ASAP1: variants seen among roughly 807,000 people sequenced by gnomAD.
The protein encoded by ASAP1 is ArfGAP with SH3 domain, ankyrin repeat and PH domain 1, also known as arf-GAP with SH3 domain, ANK repeat and PH domain-containing protein 1.
Under a neutral mutation model 145.2 loss-of-function variants are expected in ASAP1, and 43 were observed. The ratio of observed to expected loss-of-function variants is 0.30; its 90% CI spans 0.23 to 0.38. The LOEUF (loss-of-function observed/expected upper bound fraction) is 0.38. Ranked by LOEUF, ASAP1 falls within the 10% of genes least tolerant of loss-of-function variation. ASAP1 has a pLI of 1.00. For missense variants in ASAP1, 1,018 were observed against 1,355.3 expected (o/e 0.75, Z 3.91); for synonymous variants, 546 against 515.5 (o/e 1.06, Z -0.80).
At chr8:130,241,894 T>C (rs1400085606) in intron 3 of ASAP1, among the ~76,000 whole-genome samples, 1 of 152,152 alleles carries the variant, frequency 6.6e-6, no homozygotes, top group East Asian at 1.9e-4. Flanking sequence ...ACTTTCTATA[T>C]ACTCAAGTGG....
chr8:130,068,972 C>T (rs1293808758), intron 27 of ASAP1, among the ~76,000 whole-genome samples: 1 of 152,194 alleles, frequency 6.6e-6, no homozygotes, highest in African/African-American at 2.4e-5. Flanking sequence ...AGCTTCCCTT[C>T]ATGGGTCTTA....
At chr8:130,372,848 C>T (rs981020124) in intron 2 of ASAP1, among the ~76,000 whole-genome samples, 4 of 152,142 alleles carry the variant, frequency 2.6e-5, no homozygotes, top group African/African-American at 9.7e-5. Context: ...TTTTACCCCA[C>T]TCTTTCCTTT....
At chr8:130,405,633 C>A (rs187511003) in intron 1 of ASAP1, among the ~76,000 whole-genome samples, 1 of 152,170 alleles carries the variant, frequency 6.6e-6, no homozygotes, top group Non-Finnish European at 1.5e-5. Flanking sequence ...GCCTGGCCTA[C>A]GTCACTAGAC....
intron 24 of ASAP1, among the ~76,000 whole-genome samples, chr8:130,098,532 G>A (rs1057393453): frequency 2.6e-5 from 4 of 151,992 alleles, no homozygotes; most frequent in Admixed American, 6.6e-5. Flanking sequence ...TTTTAGTAGA[G>A]ACAAGGTTTC....
Position 130,060,633 on chromosome 8 carries a change from G to A in ASAP1, c.3138C>T (p.Asp1046=), listed in dbSNP as rs766858836. Residue 1046 remains aspartate (D), a synonymous_variant, in exon 28 of 30, where the codon GAC becomes GAT. Transcript: ENST00000518721. ...GCGTCTCTGGCAGAGTAGGCGTGAGGTCGTTGGAGTCTTCAGATGCTTGCT... is the reference window on the plus strand; with the variant it reads ...GCGTCTCTGGCAGAGTAGGCGTGAGATCGTTGGAGTCTTCAGATGCTTGCT... ...IQKQASEDSN[D]LTPTLPETPV... The A allele has an allele frequency of 1.1e-5, 18 of 1,614,050 alleles. No homozygotes were observed. Among genetic ancestry groups the A allele is most frequent in the Non-Finnish European group, 1.4e-5 (16 of 1,180,034 alleles).
chr8:130,139,949 C>T (rs893439541), intron 13 of ASAP1, among the ~76,000 whole-genome samples: 3 of 149,616 alleles, frequency 2.0e-5, no homozygotes, highest in Non-Finnish European at 4.4e-5. Flanking sequence ...CAAAAAAACA[C>T]CATACACTCA....
chr8:130,306,266 A>G (rs1822986584), intron 3 of ASAP1, among the ~76,000 whole-genome samples: 1 of 152,208 alleles, frequency 6.6e-6, no homozygotes, highest in East Asian at 1.9e-4. Flanking sequence ...ACCTTTCACT[A>G]CAAGTATTAT....
intron 7 of ASAP1, among the ~76,000 whole-genome samples, chr8:130,181,687 C>T (rs1484045988): frequency 6.6e-6 from 1 of 152,070 alleles, no homozygotes; most frequent in Non-Finnish European, 1.5e-5. Context: ...CCAGGGGAAA[C>T]GAGGTGATAA....
chr8:130,268,143 A>G (rs16893271), intron 3 of ASAP1, among the ~76,000 whole-genome samples: 27,958 of 152,132 alleles, frequency 0.18, 3,243 homozygotes, highest in East Asian at 0.44. Context: ...ATGATTTAGT[A>G]AATTAAGGAA....
intron 3 of ASAP1, among the ~76,000 whole-genome samples, chr8:130,286,181 G>A (rs914041947): frequency 3.3e-5 from 5 of 152,170 alleles, no homozygotes; most frequent in Admixed American, 1.3e-4. Flanking sequence ...TCAAATGGCA[G>A]AGTAGGTTTT....
intron 25 of ASAP1, among the ~76,000 whole-genome samples, chr8:130,089,009 G>T (rs190969446): frequency 1.3e-5 from 2 of 152,332 alleles, no homozygotes; most frequent in East Asian, 3.9e-4. Flanking sequence ...TCACCTTAGA[G>T]CACTTTGCTC....
chr8:130,081,553 C>A (rs2097480529), intron 25 of ASAP1, among the ~76,000 whole-genome samples: 2 of 150,430 alleles, frequency 1.3e-5, no homozygotes, highest in African/African-American at 4.9e-5. Flanking sequence ...GCTGAGGAGG[C>A]TGAGCACCAG....
intron 24 of ASAP1, among the ~76,000 whole-genome samples, chr8:130,093,617 A>C (rs908149499): frequency 2.8e-5 from 4 of 141,776 alleles, no homozygotes; most frequent in Non-Finnish European, 4.5e-5. Flanking sequence ...CAATGAGCTG[A>C]GATCATGCCA....
intron 11 of ASAP1, chr8:130,167,320 A>C (rs2136074438): frequency 1.6e-6 from 1 of 625,376 alleles, no homozygotes; most frequent in South Asian, 1.7e-5. Flanking sequence ...AAAAGAAAAA[A>C]AAAAAATCCA....
chr8:130,437,320 A>G (rs920831973), intron 1 of ASAP1, among the ~76,000 whole-genome samples: 1 of 152,212 alleles, frequency 6.6e-6, no homozygotes, highest in Non-Finnish European at 1.5e-5. Context: ...CTCACAGGTG[A>G]GGAACTATAT....
chr8:130,283,750 AGAT>A (rs1821418076), intron 3 of ASAP1, among the ~76,000 whole-genome samples: 1 of 152,198 alleles, frequency 6.6e-6, no homozygotes, highest in Non-Finnish European at 1.5e-5. Context: ...AGGAAGGGTC[AGAT>A]AATAGGATGC....
chr8:130,075,843 C>T (rs2097461151), intron 27 of ASAP1, among the ~76,000 whole-genome samples: 1 of 152,252 alleles, frequency 6.6e-6, no homozygotes, highest in Non-Finnish European at 1.5e-5. Context: ...CTCTACTCTG[C>T]ACAACAGATG....
chr8:130,320,323 A>G (rs955322468), intron 3 of ASAP1, among the ~76,000 whole-genome samples: 4 of 152,206 alleles, frequency 2.6e-5, no homozygotes, highest in Non-Finnish European at 5.9e-5. Context: ...TGGGAGGCCG[A>G]GGTGGGAGGA....
intron 2 of ASAP1, chr8:130,361,542 C>T: frequency 4.1e-6 from 3 of 722,948 alleles, no homozygotes; most frequent in East Asian, 2.7e-5. Context: ...TGTTATGTAT[C>T]TGCTCCTCCC....
Sources: allele counts gnomAD v4.1 joint callset (sites outside exome capture counted in the v4.1 genomes callset), GRCh38; gene constraint gnomAD v4.1.1; transcripts MANE v1.5; gene names NCBI Gene and HGNC (gene_info 2026-07-23, HGNC 2026-07-21).